The following CA1 variants were observed in gnomAD, a reference collection of about 807,000 sequenced individuals.
The protein encoded by CA1 is carbonate dehydratase I.
Under a neutral mutation model 28.8 loss-of-function variants are expected in CA1, and 27 were observed. The observed-to-expected ratio is 0.94, with a 90% CI of 0.69 to 1.29. The LOEUF is 1.29. Ranked by LOEUF, CA1 falls within the 50% of genes most tolerant of loss-of-function variation. The pLI is 0.00. For synonymous variants in CA1, 121 were observed against 108.8 expected (o/e 1.11, Z -0.70); for missense variants, 335 against 310.5 (o/e 1.08, Z -0.59).
chr8:85,354,189 G>T (rs2130305119), intron 1 of CA1, among the ~76,000 whole-genome samples: 1 of 150,912 alleles, frequency 6.6e-6, no homozygotes, highest in Middle Eastern at 3.4e-3. Context: ...TGGCCAGGCT[G>T]GTCTCAAACT....
intron 1 of CA1, among the ~76,000 whole-genome samples, chr8:85,343,415 C>G (rs943965705): frequency 6.6e-6 from 1 of 152,144 alleles, no homozygotes; most frequent in South Asian, 2.1e-4. Context: ...CAATTGTCCA[C>G]TGACCTCCAG....
At chr8:85,350,486 G>A (rs1809367111) in intron 1 of CA1, among the ~76,000 whole-genome samples, 1 of 152,190 alleles carries the variant, frequency 6.6e-6, no homozygotes, top group Non-Finnish European at 1.5e-5. Flanking sequence ...TCCTTAATAT[G>A]CAACACTTGG....
At position 85,341,609 on chromosome 8, in the gene CA1, A is replaced by AT; in HGVS notation, c.26dup (p.Asp9GlufsTer2). On this transcript the variant is annotated frameshift_variant, in exon 2 of 8. Coordinates refer to ENST00000523022, the MANE Select transcript of CA1 (RefSeq NM_001128831.4). LOFTEE classifies it high-confidence loss of function. ...CAGGAGAACTCTTACCATTTTTGTC[A>AT]TCATATCCCCAGTCTGGACTTGCCA... The AT allele has an allele frequency of 6.3e-7, 1 of 1,595,848 alleles. No homozygotes were observed.
chr8:85,349,783 C>T (rs971880008), intron 1 of CA1: 6 of 152,194 alleles, frequency 3.9e-5, no homozygotes, highest in Non-Finnish European at 5.9e-5. Flanking sequence ...CTGGTGAATG[C>T]ATATTCTACA....
At chr8:85,347,895 A>G (rs1011022348) in intron 1 of CA1, among the ~76,000 whole-genome samples, 2 of 152,202 alleles carry the variant, frequency 1.3e-5, no homozygotes, top group Admixed American at 6.5e-5. Context: ...GACACTATCA[A>G]GCATTCCTAT....
intron 2 of CA1, among the ~76,000 whole-genome samples, chr8:85,339,387 C>T (rs1808820928): frequency 6.6e-6 from 1 of 152,116 alleles, no homozygotes; most frequent in Non-Finnish European, 1.5e-5. Context: ...GCACCATAAA[C>T]CATGTCCAAG....
intron 1 of CA1, among the ~76,000 whole-genome samples, chr8:85,364,674 A>G (rs2130362953): frequency 6.6e-6 from 1 of 152,336 alleles, no homozygotes; most frequent in Non-Finnish European, 1.5e-5. Flanking sequence ...CTGAGCTATG[A>G]AAAATCTTAT....
At chr8:85,337,582 A>G (rs908427716) in intron 3 of CA1, among the ~76,000 whole-genome samples, 5 of 152,142 alleles carry the variant, frequency 3.3e-5, no homozygotes, top group African/African-American at 1.2e-4. Flanking sequence ...GCAGTGGGGC[A>G]CTTATAAAAC....
chr8:85,358,690 A>T (rs973315266), intron 1 of CA1, among the ~76,000 whole-genome samples: 1 of 152,222 alleles, frequency 6.6e-6, no homozygotes, highest in African/African-American at 2.4e-5. Context: ...GGGCATGGCC[A>T]CATGACTTAT....
chr8:85,341,514 C>T (rs1808930561), intron 2 of CA1, 85 bp downstream of exon 2: 2 of 851,952 alleles, frequency 2.3e-6, no homozygotes, highest in Non-Finnish European at 4.1e-6. Flanking sequence ...TATAGCTGTA[C>T]AATTATTTTA....
intron 6 of CA1, among the ~76,000 whole-genome samples, chr8:85,331,927 G>A (rs1015428242): frequency 6.6e-6 from 1 of 151,908 alleles, no homozygotes; most frequent in South Asian, 2.1e-4. Flanking sequence ...TCTAGAATCA[G>A]CATAAATCAG....
At chr8:85,372,810 T>C (rs186416877) in intron 1 of CA1, among the ~76,000 whole-genome samples, 1 of 152,324 alleles carries the variant, frequency 6.6e-6, no homozygotes, top group Admixed American at 6.5e-5. Flanking sequence ...AATCTTCCCT[T>C]TGTCCATCAT....
chr8:85,341,425 G>C, intron 2 of CA1, 174 bp downstream of exon 2: 1 of 549,828 alleles, frequency 1.8e-6, no homozygotes, highest in Non-Finnish European at 3.2e-6. Context: ...TTTGTAGTCA[G>C]CCATGCCCCA....
intron 3 of CA1, 75 bp downstream of exon 3, chr8:85,338,176 TA>T (rs1186593981): frequency 8.3e-7 from 1 of 1,198,920 alleles, no homozygotes; most frequent in South Asian, 1.2e-5. Context: ...ATGGGTGTCA[TA>T]TTTCTCGAGC....
intron 1 of CA1, among the ~76,000 whole-genome samples, chr8:85,355,956 T>A (rs996473419): frequency 6.6e-6 from 1 of 152,116 alleles, no homozygotes; most frequent in Non-Finnish European, 1.5e-5. Flanking sequence ...ATAATTCCCA[T>A]GACAACGTGT....
At chr8:85,333,760 A>G (rs547567758) in intron 4 of CA1, 140 bp from the exon 5 acceptor site, 1 of 646,022 alleles carries the variant, frequency 1.5e-6, no homozygotes, top group Admixed American at 2.1e-5. Flanking sequence ...CCAGTGGATT[A>G]GAAGAGTTAC....
intron 4 of CA1, among the ~76,000 whole-genome samples, chr8:85,336,075 C>T (rs1209934352): frequency 6.6e-6 from 1 of 151,990 alleles, no homozygotes; most frequent in Non-Finnish European, 1.5e-5. Flanking sequence ...TGTGATTGTT[C>T]ATCAATAGAA....
chr8:85,376,035 T>C (rs1198725168), intron 1 of CA1, among the ~76,000 whole-genome samples: 1 of 152,144 alleles, frequency 6.6e-6, no homozygotes, highest in Non-Finnish European at 1.5e-5. Context: ...TACACAGTTA[T>C]AAGTTATAAA....
rs141077260 is a variant in CA1, at chr8:85,338,777, G to T, written c.38-328C>A. On this transcript the variant is annotated intron_variant, in intron 2 of 7. Transcript: ENST00000523022. ...CACCCAGGCTGGAGTGCAGTGATGC[G>T]CTCTTGGCTCACTGCAACCTCTGCC... 9.9e-5 allele frequency among the ~76,000 whole-genome samples: 14 copies of T among 141,460 alleles called. No individual in the cohort carries two copies. The South Asian group carries it at 2.9e-3, about 29-fold the overall frequency. The allele number at this position is 141,460 out of a possible 152,430, so 92.8% of individuals were successfully genotyped here.
Sources: gnomAD v4.1 joint callset for allele counts (sites outside exome capture counted in the v4.1 genomes callset) on GRCh38, gnomAD v4.1.1 for gene constraint, MANE v1.5 for transcripts, NCBI Gene and HGNC (gene_info 2026-07-23, HGNC 2026-07-21) for gene names.